Variants in EDC4 observed in about 807,000 individuals in gnomAD.
EDC4 encodes the protein enhancer of mRNA decapping 4, also known as enhancer of mRNA-decapping protein 4.
Under a neutral mutation model 155.8 loss-of-function variants are expected in EDC4, and 64 were observed. The observed-to-expected ratio is 0.41, with a 90% confidence interval of 0.34 to 0.51. The LOEUF (loss-of-function observed/expected upper bound fraction) is 0.51. Among genes scored for constraint, EDC4 ranks in the 20% least tolerant of loss-of-function variants. The pLI, the probability that EDC4 is intolerant of heterozygous loss-of-function variation, is 0.19. For missense variants in EDC4, 1,303 were observed against 1,812.5 expected, an observed-to-expected ratio of 0.72 and a Z score of 5.10; for synonymous variants, 684 against 716.8, an observed-to-expected ratio of 0.95 and a Z score of 0.73.
In EDC4 at chr16:67,878,147, C is replaced by T. The variant is rs2058049609; in HGVS notation, c.895-19C>T. 2.5e-6 allele frequency: 4 copies of T among 1,613,964 alleles called. No individual in the cohort carries two copies. The highest frequency in any genetic ancestry group is 2.7e-5 in the African/African-American group (2 of 74,924). On this transcript the variant is annotated intron_variant, in intron 7 of 28. Coordinates refer to ENST00000358933, the MANE Select transcript of EDC4 (RefSeq NM_014329.5). The surrounding 1 kb of genome is among the most constrained non-coding windows in gnomAD (Gnocchi z 5.2). ...TTGTTCTCACCTCTAGTCAGCAAAG[C>T]TTTTTGGGTTCTTTCTAGTGCCTCA...
At position 67,880,387 on chromosome 16, in the gene EDC4, G is replaced by C; in HGVS notation, c.2098-170G>C. On this transcript the variant is annotated intron_variant, in intron 17 of 28. Transcript: ENST00000358933. This position sits in a 1 kb window ranked among gnomAD's most constrained non-coding sequence, Gnocchi z 5.2. ...GTGTTTCCTGGTGGGTGTCTCCTCAGCCTCCCTGTCCCCACCTCCTCTTCT... is the reference window on the plus strand; with the variant it reads ...GTGTTTCCTGGTGGGTGTCTCCTCACCCTCCCTGTCCCCACCTCCTCTTCT... 1 of 1,340,484 alleles carries C rather than the reference G, an allele frequency of 7.5e-7. No individual in the cohort carries two copies. Among genetic ancestry groups the C allele is most frequent in the Admixed American group, 2.2e-5 (1 of 44,592 alleles). The allele number at this position is 1,340,484 out of a possible 1,614,324, so 83.0% of individuals were successfully genotyped here.
chr16:67,880,510 C>A lies in EDC4; in HGVS notation c.2098-47C>A, dbSNP rs1246494751. Reference sequence around the variant, plus strand: ...TGCCTCGTCTCTGTGCCCCCCATCTCTGCCTCACTTCCTGTCACTTAAGCC... The same window carrying A: ...TGCCTCGTCTCTGTGCCCCCCATCTATGCCTCACTTCCTGTCACTTAAGCC... On this transcript the variant is annotated intron_variant, in intron 17 of 28. Transcript: ENST00000358933. This position sits in a 1 kb window ranked among gnomAD's most constrained non-coding sequence, Gnocchi z 5.2. 1.3e-6 allele frequency: 2 copies of A among 1,594,494 alleles called. No homozygotes were observed. The highest frequency in any genetic ancestry group is 1.7e-6 in the Non-Finnish European group (2 of 1,168,132).
At chr16:67,873,995 T>C (rs1003612780) in intron 1 of EDC4, among the ~76,000 whole-genome samples, 1 of 152,206 alleles carries the variant, frequency 6.6e-6, no homozygotes, top group Non-Finnish European at 1.5e-5. Context: ...CCCCCAAAGA[T>C]TCCCCAAGAC....
chr16:67,880,382 C>T lies in EDC4; in HGVS notation c.2097+166C>T. The stretch of plus-strand genomic sequence containing the variant: ...CTCCTGTGTTTCCTGGTGGGTGTCT[C>T]CTCAGCCTCCCTGTCCCCACCTCCT... On this transcript the variant is annotated intron_variant, in intron 17 of 28. Coordinates refer to ENST00000358933, the MANE Select transcript of EDC4 (RefSeq NM_014329.5). This position sits in a 1 kb window ranked among gnomAD's most constrained non-coding sequence, Gnocchi z 5.2. 3 of 1,331,358 alleles carry T rather than the reference C, an allele frequency of 2.3e-6. No homozygotes were observed. Among genetic ancestry groups the T allele is most frequent in the Non-Finnish European group, 3.1e-6 (3 of 980,402 alleles). The allele number at this position is 1,331,358 out of a possible 1,614,324, so 82.5% of individuals were successfully genotyped here.
At position 67,883,458 on chromosome 16, in the gene EDC4, G is replaced by T; in HGVS notation, c.3850-110G>T. 1 of 1,505,214 alleles carries T rather than the reference G, an allele frequency of 6.6e-7. No homozygotes were observed. The highest frequency in any genetic ancestry group is 9.0e-7 in the Non-Finnish European group (1 of 1,109,778). The allele number at this position is 1,505,214 out of a possible 1,614,324, so 93.2% of individuals were successfully genotyped here. A position where few individuals can be genotyped will look rare whatever the true frequency, so the allele number is the denominator to read the frequency against. ...CAGGCTCTCTCTGAGTCCCTCTGGA[G>T]CTCTCACTAGCCCACCCTGTGGTCA... On this transcript the variant is annotated intron_variant, in intron 27 of 28. Transcript: ENST00000358933. The surrounding 1 kb of genome is among the most constrained non-coding windows in gnomAD (Gnocchi z 5.3).
Position 67,880,417 on chromosome 16 carries a change from T to C in EDC4, c.2098-140T>C, listed in dbSNP as rs377293424. ...CCTGTCCCCACCTCCTCTTCTTGGC[T>C]GTGGCCTCGTTTTTGACCTGTATCC... On this transcript the variant is annotated intron_variant, in intron 17 of 28. Coordinates refer to ENST00000358933, the MANE Select transcript of EDC4 (RefSeq NM_014329.5). The surrounding 1 kb of genome is among the most constrained non-coding windows in gnomAD (Gnocchi z 5.2). 1 of 1,366,444 alleles carries C rather than the reference T, an allele frequency of 7.3e-7. No homozygotes were observed. The highest frequency in any genetic ancestry group is 1.4e-5 in the South Asian group (1 of 73,970). 84.6% of individuals were successfully genotyped at this position (1,366,444 alleles called of 1,614,324 possible). A position where few individuals can be genotyped will look rare whatever the true frequency, so the allele number is the denominator to read the frequency against.
In EDC4 at chr16:67,879,882, TAGCAGCAGCAGC is replaced by T. The variant is rs747465973; in HGVS notation, c.1863_1874del (p.Ser626_Ser629del). Reference sequence around the variant, plus strand: ...CCTCTCCCAGCAGCAGCAGCAGCGGTAGCAGCAGCAGCAGCAGCAGTAGCAGCAGCTCCCTTA... The same window carrying T: ...CCTCTCCCAGCAGCAGCAGCAGCGGTAGCAGCAGTAGCAGCAGCTCCCTTA... On this transcript the variant is annotated inframe_deletion, in exon 16 of 29. Coordinates refer to ENST00000358933, the MANE Select transcript of EDC4 (RefSeq NM_014329.5). This position sits in a 1 kb window ranked among gnomAD's most constrained non-coding sequence, Gnocchi z 6.0. 6 of 1,610,252 alleles carry T rather than the reference TAGCAGCAGCAGC, an allele frequency of 3.7e-6. No homozygotes were observed. The highest frequency in any genetic ancestry group is 1.7e-5 in the Admixed American group (1 of 59,842).
chr16:67,878,067 T>C lies in EDC4; in HGVS notation c.895-99T>C. On this transcript the variant is annotated intron_variant, in intron 7 of 28. Transcript: ENST00000358933. This position sits in a 1 kb window ranked among gnomAD's most constrained non-coding sequence, Gnocchi z 5.2. ...GTTCATTTAGTCAGTCACACAAGCATGCCAGTCCCACCGTGAGTCAGCCCA... is the reference window on the plus strand; with the variant it reads ...GTTCATTTAGTCAGTCACACAAGCACGCCAGTCCCACCGTGAGTCAGCCCA... 1 of 1,555,218 alleles carries C rather than the reference T, an allele frequency of 6.4e-7. No homozygotes were observed. Among genetic ancestry groups the C allele is most frequent in the East Asian group, 2.3e-5 (1 of 42,558 alleles).
chr16:67,882,195 C>G lies in EDC4; in HGVS notation c.3161-17C>G. 1 of 1,613,548 alleles carries G rather than the reference C, an allele frequency of 6.2e-7. No homozygotes were observed. The highest frequency in any genetic ancestry group is 8.5e-7 in the Non-Finnish European group (1 of 1,179,762). ...CTTCTTCTCATGGCTCCACCTCACC[C>G]TCTTCCCCTCTCCCAGGTGTCTCAA... On this transcript the variant is annotated splice_polypyrimidine_tract_variant and intron_variant, in intron 23 of 28. Transcript: ENST00000358933. The surrounding 1 kb of genome is among the most constrained non-coding windows in gnomAD (Gnocchi z 7.2).
chr16:67,880,299 C>A lies in EDC4; in HGVS notation c.2097+83C>A. On this transcript the variant is annotated intron_variant, in intron 17 of 28. Coordinates refer to ENST00000358933, the MANE Select transcript of EDC4 (RefSeq NM_014329.5). The surrounding 1 kb of genome is among the most constrained non-coding windows in gnomAD (Gnocchi z 5.2). Reference sequence around the variant, plus strand: ...GTGGGTGGTGGGCTCCTCCCAGCCCCCTGCTGCTGATCCTGCTCTACCCGA... The same window carrying A: ...GTGGGTGGTGGGCTCCTCCCAGCCCACTGCTGCTGATCCTGCTCTACCCGA... 6.6e-7 allele frequency: 1 copy of A among 1,507,382 alleles called. No homozygotes were observed. The highest frequency in any genetic ancestry group is 1.3e-5 in the South Asian group (1 of 77,528). The allele number at this position is 1,507,382 out of a possible 1,614,324, so 93.4% of individuals were successfully genotyped here. A position where few individuals can be genotyped will look rare whatever the true frequency, so the allele number is the denominator to read the frequency against.
In EDC4 at chr16:67,880,152, G is replaced by C. The variant is rs774350066; in HGVS notation, c.2033G>C (p.Arg678Pro). ...SSSGSLQASPRGLLPGLLPAP... is the reference protein window; with the variant it reads ...SSSGSLQASPPGLLPGLLPAP... Reference sequence around the variant, plus strand: ...AGTGGCAGCCTTCAGGCAAGCCCGCGTGGCCTCCTGCCTGGCCTGCTCCCA... The same window carrying C: ...AGTGGCAGCCTTCAGGCAAGCCCGCCTGGCCTCCTGCCTGGCCTGCTCCCA... Residue 678 changes from arginine to proline, a missense_variant, in exon 17 of 29, where the codon CGT becomes CCT. Arg to Pro is a moderately radical substitution (Grantham distance 103). Transcript: ENST00000358933. The surrounding 1 kb of genome is among the most constrained non-coding windows in gnomAD (Gnocchi z 5.2). The C allele has an allele frequency of 1.2e-6, 2 of 1,612,854 alleles. No individual in the cohort carries two copies. The highest frequency in any genetic ancestry group is 1.1e-5 in the South Asian group (1 of 91,004).
In EDC4 at chr16:67,881,128, C is replaced by G; in HGVS notation, c.2584C>G (p.Pro862Ala). Residue 862 changes from proline (P) to alanine (A), a missense_variant, in exon 19 of 29, where the codon CCA becomes GCA. Pro to Ala is a conservative substitution (Grantham distance 27). This residue lies in a region of EDC4 where 527 missense variants were observed against 757.0 expected (regional missense o/e 0.70). Transcript: ENST00000358933. This position sits in a 1 kb window ranked among gnomAD's most constrained non-coding sequence, Gnocchi z 5.4. ...CAAGAGCCTGGCCTTCCACCGACCA[C>G]CATATCACCTGCTGCAGCAACGTGA... ...KHKSLAFHRP[P>A]YHLLQQRDSQ... The G allele has an allele frequency of 1.2e-6, 2 of 1,614,148 alleles. No homozygotes were observed. Among genetic ancestry groups the G allele is most frequent in the Non-Finnish European group, 1.7e-6 (2 of 1,180,036 alleles).
In EDC4 at chr16:67,873,275, C is replaced by G; in HGVS notation, c.14C>G (p.Ala5Gly). The G allele has an allele frequency of 2.0e-6, 3 of 1,470,020 alleles. No homozygotes were observed. Among genetic ancestry groups the G allele is most frequent in the Non-Finnish European group, 2.7e-6 (3 of 1,114,982 alleles). 91.1% of individuals were successfully genotyped at this position (1,470,020 alleles called of 1,614,324 possible). The change falls in exon 1 of 29, where the codon GCG (alanine) becomes GGG (glycine). Residue 5 changes from alanine to glycine, a missense_variant. By Grantham distance (60) the Ala-to-Gly change is moderately conservative. Transcript: ENST00000358933. Reference sequence around the variant, plus strand: ...GCCGCAGGGCCCATGGCCTCCTGCGCGAGCATCGACATCGAGGACGCCACG... The same window carrying G: ...GCCGCAGGGCCCATGGCCTCCTGCGGGAGCATCGACATCGAGGACGCCACG... MASC[A>G]SIDIEDATQH...
Position 67,880,325 on chromosome 16 carries a change from C to T in EDC4, c.2097+109C>T. ...CTGCTGCTGATCCTGCTCTACCCGA[C>T]ATGGTCCGTGTTTCCCTGAGGTCAT... On this transcript the variant is annotated intron_variant, in intron 17 of 28. Coordinates refer to ENST00000358933, the MANE Select transcript of EDC4 (RefSeq NM_014329.5). The surrounding 1 kb of genome is among the most constrained non-coding windows in gnomAD (Gnocchi z 5.2). 38 of 1,470,532 alleles carry T rather than the reference C, an allele frequency of 2.6e-5. No homozygotes were observed. The highest frequency in any genetic ancestry group is 3.2e-5 in the Non-Finnish European group (35 of 1,105,818). 91.1% of individuals were successfully genotyped at this position (1,470,532 alleles called of 1,614,324 possible). A position where few individuals can be genotyped will look rare whatever the true frequency, so the allele number is the denominator to read the frequency against.
Position 67,881,049 on chromosome 16 carries a change from C to T in EDC4, c.2532-27C>T. On this transcript the variant is annotated intron_variant, in intron 18 of 28. Transcript: ENST00000358933. This position sits in a 1 kb window ranked among gnomAD's most constrained non-coding sequence, Gnocchi z 5.4. ...AGGAGGGGCTTCAGATAGATTCATC[C>T]ATGGCTAAGTTGGCCTGTCCTCCCA... 6.2e-7 allele frequency: 1 copy of T among 1,614,002 alleles called. No homozygotes were observed. Among genetic ancestry groups the T allele is most frequent in the South Asian group, 1.1e-5 (1 of 91,092 alleles).
chr16:67,880,310 T>C lies in EDC4; in HGVS notation c.2097+94T>C. On this transcript the variant is annotated intron_variant, in intron 17 of 28. Coordinates refer to ENST00000358933, the MANE Select transcript of EDC4 (RefSeq NM_014329.5). This position sits in a 1 kb window ranked among gnomAD's most constrained non-coding sequence, Gnocchi z 5.2. ...GCTCCTCCCAGCCCCCTGCTGCTGA[T>C]CCTGCTCTACCCGACATGGTCCGTG... The C allele has an allele frequency of 6.7e-7, 1 of 1,493,294 alleles. No individual in the cohort carries two copies. Among genetic ancestry groups the C allele is most frequent in the South Asian group, 1.3e-5 (1 of 76,104 alleles). 92.5% of individuals were successfully genotyped at this position (1,493,294 alleles called of 1,614,324 possible). A position where few individuals can be genotyped will look rare whatever the true frequency, so the allele number is the denominator to read the frequency against.
At position 67,878,025 on chromosome 16, in the gene EDC4, C is replaced by T; in HGVS notation, c.895-141C>T. 6.7e-7 allele frequency: 1 copy of T among 1,493,280 alleles called. No homozygotes were observed. Among genetic ancestry groups the T allele is most frequent in the African/African-American group, 1.4e-5 (1 of 71,976 alleles). 92.5% of individuals were successfully genotyped at this position (1,493,280 alleles called of 1,614,324 possible). A position where few individuals can be genotyped will look rare whatever the true frequency, so the allele number is the denominator to read the frequency against. ...ATCTAGCAGCACCCTGCAGGTCTGG[C>T]CTTCTCTAGGAACCCTGTTCATTTA... On this transcript the variant is annotated intron_variant, in intron 7 of 28. Transcript: ENST00000358933. This position sits in a 1 kb window ranked among gnomAD's most constrained non-coding sequence, Gnocchi z 5.2.
rs2058027623 is a variant in EDC4, at chr16:67,873,288, C to T, written c.27C>T (p.Ile9=). 1 of 1,475,206 alleles carries T rather than the reference C, an allele frequency of 6.8e-7. No homozygotes were observed. The highest frequency in any genetic ancestry group is 1.5e-5 in the African/African-American group (1 of 68,276). 91.4% of individuals were successfully genotyped at this position (1,475,206 alleles called of 1,614,324 possible). ...TGGCCTCCTGCGCGAGCATCGACAT[C>T]GAGGACGCCACGCAGCACCTGCGGG... MASCASID[I]EDATQHLRDI... The change falls in exon 1 of 29, where the codon ATC becomes ATT. Residue 9 remains isoleucine, a synonymous_variant. Transcript: ENST00000358933.
Position 67,881,130 on chromosome 16 carries a change from A to T in EDC4, c.2586A>T (p.Pro862=), listed in dbSNP as rs145705140. ...AGAGCCTGGCCTTCCACCGACCACC[A>T]TATCACCTGCTGCAGCAACGTGACA... The part of the protein sequence containing the change: ...KHKSLAFHRP[P]YHLLQQRDSQ... Residue 862 remains proline (P), a synonymous_variant, in exon 19 of 29, where the codon CCA becomes CCT. Coordinates refer to ENST00000358933, the MANE Select transcript of EDC4 (RefSeq NM_014329.5). This position sits in a 1 kb window ranked among gnomAD's most constrained non-coding sequence, Gnocchi z 5.4. 139 of 1,613,908 alleles carry T rather than the reference A, an allele frequency of 8.6e-5. No individual in the cohort carries two copies. In the African/African-American group the frequency reaches 1.7e-3, roughly 19 times the overall value.
Sources: gnomAD v4.1 joint callset for allele counts (sites outside exome capture counted in the v4.1 genomes callset) on GRCh38, gnomAD v4.1.1 for gene constraint, gnomAD v4.1.1 regional missense constraint, Gnocchi (gnomAD v3.1) non-coding constraint, MANE v1.5 for transcripts, NCBI Gene and HGNC (gene_info 2026-07-23, HGNC 2026-07-21) for gene names.